The following ZFP62 variants were observed in gnomAD, a reference collection of about 807,000 sequenced individuals.
ZFP62 encodes zinc finger protein 62 homolog.
ZFP62 carries 44 observed loss-of-function variants against 56.4 expected under a neutral mutation model. The ratio of observed to expected loss-of-function variants is 0.78; its 90% CI spans 0.61 to 1.00. The LOEUF (loss-of-function observed/expected upper bound fraction) is 1.00, where lower values mean the gene tolerates loss of function less well. Ranked by LOEUF, ZFP62 falls within the 50% of genes least tolerant of loss-of-function variation. ZFP62 has a pLI of 0.00. For synonymous variants in ZFP62, 421 were observed against 388.9 expected (o/e 1.08, Z -0.97); for missense variants, 1,030 against 1,085.7 (o/e 0.95, Z 0.72).
In ZFP62 at chr5:180,847,813, T is replaced by C; in HGVS notation, c.*979A>G. 2 of 985,432 alleles carry C rather than the reference T, an allele frequency of 2.0e-6. No individual in the cohort carries two copies. The highest frequency in any genetic ancestry group is 2.4e-6 in the Non-Finnish European group (2 of 829,918). 61.0% of individuals were successfully genotyped at this position (985,432 alleles called of 1,614,324 possible). A position where few individuals can be genotyped will look rare whatever the true frequency, so the allele number is the denominator to read the frequency against. ...ATTTAACAGGATTATTAAGAAACAT[T>C]AATTTCCTTCTCTCTAGATGACTGG... On this transcript the variant is annotated 3_prime_UTR_variant, in exon 2 of 2. Coordinates refer to ENST00000502412, the MANE Select transcript of ZFP62 (RefSeq NM_001172638.2).
the ZFP62 span, among the ~76,000 whole-genome samples, chr5:180,828,738 C>A: frequency 0.011 from 1,706 of 152,214 alleles, 18 homozygotes; most frequent in Non-Finnish European, 0.016. Context: ...TTTTAGGGAA[C>A]AAGGGAAGAC....
chr5:180,851,135 C>T lies in ZFP62; in HGVS notation c.360G>A (p.Glu120=), dbSNP rs1445364734. Reference sequence around the variant, plus strand: ...TAGGGTAGGAGGTTCCATTAATGTTCTCCACACGTTTGCCTTGCTCACTGC... The same window carrying T: ...TAGGGTAGGAGGTTCCATTAATGTTTTCCACACGTTTGCCTTGCTCACTGC... ...QRGSEQGKRV[E]NINGTSYPSL... The change falls in exon 2 of 2, where the codon GAG becomes GAA. Residue 120 remains glutamate, a synonymous_variant. Transcript: ENST00000502412. 1 of 1,551,712 alleles carries T rather than the reference C, an allele frequency of 6.4e-7. No individual in the cohort carries two copies. Among genetic ancestry groups the T allele is most frequent in the East Asian group, 2.4e-5 (1 of 40,928 alleles).
downstream of ZFP62, among the ~76,000 whole-genome samples, chr5:180,844,616 GC>G (rs1381992480): frequency 6.6e-6 from 1 of 152,194 alleles, no homozygotes; most frequent in Non-Finnish European, 1.5e-5. Flanking sequence ...GCGTGAGGCA[GC>G]CCTCAACCCC....
chr5:180,828,437 G>A, the ZFP62 span, among the ~76,000 whole-genome samples: 63 of 152,282 alleles, frequency 4.1e-4, no homozygotes, highest in Middle Eastern at 3.4e-3. Context: ...TCTATGTTGC[G>A]GGAAGTCAGG....
chr5:180,861,251 C>T lies in ZFP62; in HGVS notation c.-32G>A, dbSNP rs1171765500. ...GGCGGCGCCGCGGGAACCCGGCCGC[C>T]AGCGGGACAAAAGCGCGGACCGCAC... On this transcript the variant is annotated 5_prime_UTR_variant, in exon 1 of 2. Transcript: ENST00000502412. The T allele has an allele frequency of 2.5e-6, 1 of 397,670 alleles. No homozygotes were observed. Among genetic ancestry groups the T allele is most frequent in the Non-Finnish European group, 4.4e-6 (1 of 225,468 alleles). 24.6% of individuals were successfully genotyped at this position (397,670 alleles called of 1,614,324 possible).
At chr5:180,859,205 T>C (rs185255303) in intron 1 of ZFP62, among the ~76,000 whole-genome samples, 2 of 152,268 alleles carry the variant, frequency 1.3e-5, no homozygotes, top group Admixed American at 1.3e-4. Flanking sequence ...CCAACCATAT[T>C]CCACAAGACA....
the ZFP62 span, chr5:180,830,768 A>G: frequency 2.5e-4 from 38 of 152,538 alleles, no homozygotes; most frequent in African/African-American, 9.1e-4. Flanking sequence ...GGTCTCCTTC[A>G]GCAGCTTGCC....
downstream of ZFP62, among the ~76,000 whole-genome samples, chr5:180,842,891 C>T (rs1049183610): frequency 7.3e-5 from 11 of 151,344 alleles, no homozygotes; most frequent in African/African-American, 2.7e-4. Flanking sequence ...AAAAATACAA[C>T]AATTAGCCGG....
chr5:180,843,893 G>A (rs2113660259), downstream of ZFP62, among the ~76,000 whole-genome samples: 1 of 152,168 alleles, frequency 6.6e-6, no homozygotes, highest in Middle Eastern at 3.4e-3. Flanking sequence ...ACAATTCAAA[G>A]GACAGCAGTC....
downstream of ZFP62, among the ~76,000 whole-genome samples, chr5:180,845,253 G>C: frequency 7.1e-6 from 1 of 141,008 alleles, no homozygotes; most frequent in Non-Finnish European, 1.5e-5. Context: ...AGAATTGCTT[G>C]AGCTCAGGAG....
rs1224822076 is a variant in ZFP62 at position 180,849,756 on chromosome 5, T to C, written c.1739A>G (p.Lys580Arg). ...GGGCTTCTCCCCAGGGTGTACACTT[T>C]TATGATTTATAAGGCTCGAGAGAGA... ...YISLSSLINH[K>R]SVHPGEKPFK... Residue 580 changes from lysine (K) to arginine (R), a missense_variant, in exon 2 of 2, where the codon AAA becomes AGA. Transcript: ENST00000502412. 1 of 1,551,828 alleles carries C rather than the reference T, an allele frequency of 6.4e-7. No individual in the cohort carries two copies. Among genetic ancestry groups the C allele is most frequent in the Non-Finnish European group, 8.7e-7 (1 of 1,147,130 alleles).
downstream of ZFP62, among the ~76,000 whole-genome samples, chr5:180,842,750 G>A (rs970209623): frequency 1.3e-5 from 2 of 152,124 alleles, no homozygotes; most frequent in Non-Finnish European, 2.9e-5. Flanking sequence ...AGAATGAAAG[G>A]AAATGAAAAG....
the ZFP62 span, among the ~76,000 whole-genome samples, chr5:180,840,886 A>G: frequency 1.3e-5 from 2 of 151,964 alleles, no homozygotes; most frequent in African/African-American, 4.8e-5. Context: ...TAGTATTGCT[A>G]TCACAGTATT....
Position 180,849,738 on chromosome 5 carries a change from T to C in ZFP62, c.1757A>G (p.Glu586Gly). 1 of 1,551,916 alleles carries C rather than the reference T, an allele frequency of 6.4e-7. No individual in the cohort carries two copies. The highest frequency in any genetic ancestry group is 8.7e-7 in the Non-Finnish European group (1 of 1,147,120). The change falls in exon 2 of 2, where the codon GAG becomes GGG. Residue 586 changes from glutamate to glycine, a missense_variant. Glu to Gly is a moderately conservative substitution (Grantham distance 98, BLOSUM62 -2). Transcript: ENST00000502412. ...ACACTCGTCACACTTAAAGGGCTTC[T>C]CCCCAGGGTGTACACTTTTATGATT... ...LINHKSVHPGEKPFKCDECEK... is the reference protein window; with the variant it reads ...LINHKSVHPGGKPFKCDECEK...
chr5:180,860,147 C>T (rs1296848787), intron 1 of ZFP62, among the ~76,000 whole-genome samples: 3 of 151,974 alleles, frequency 2.0e-5, no homozygotes, highest in Admixed American at 1.3e-4. Context: ...ATTTCTATCA[C>T]CTGTGTGAAA....
chr5:180,830,656 G>A, the ZFP62 span: 1 of 152,112 alleles, frequency 6.6e-6, no homozygotes, highest in Non-Finnish European at 1.5e-5. Context: ...CAGGGTCTCA[G>A]TCAGTCATCA....
chr5:180,834,903 G>A, the ZFP62 span: 1 of 152,000 alleles, frequency 6.6e-6, no homozygotes, highest in Non-Finnish European at 1.5e-5. Context: ...TTCAGATCAT[G>A]GCAGTGGCAT....
In ZFP62 at chr5:180,849,206, C is replaced by G; in HGVS notation, c.2289G>C (p.Gly763=). 1 of 1,560,574 alleles carries G rather than the reference C, an allele frequency of 6.4e-7. No homozygotes were observed. The highest frequency in any genetic ancestry group is 8.7e-7 in the Non-Finnish European group (1 of 1,152,468). ...GGCCTGAGCTGTTCCTGAAGGCCTT[C>G]CCACACCTATCACACACATAGGGTT... ...GEKPYVCDRC[G]KAFRNSSGLT... The change falls in exon 2 of 2, where the codon GGG becomes GGC. Residue 763 remains glycine (G), a synonymous_variant. Transcript: ENST00000502412.
the ZFP62 span, among the ~76,000 whole-genome samples, chr5:180,840,822 T>TGTGTGTGTG: frequency 8.1e-6 from 1 of 123,342 alleles, no homozygotes; most frequent in African/African-American, 2.9e-5. Context: ...TGTGTGTGTG[T>TGTGTGTGTG]TGGGGTTGGG....
Sources: gnomAD v4.1 joint callset for allele counts (sites outside exome capture counted in the v4.1 genomes callset) on GRCh38, gnomAD v4.1.1 for gene constraint, MANE v1.5 for transcripts, NCBI Gene and HGNC (gene_info 2026-07-23, HGNC 2026-07-21) for gene names.